The following SRGAP2 variants were observed in gnomAD, a reference collection of about 807,000 sequenced individuals.
SRGAP2 encodes the protein SLIT-ROBO Rho GTPase activating protein 2.
SRGAP2 carries 15 observed loss-of-function variants against 57.2 expected under a neutral mutation model. The ratio of observed to expected loss-of-function variants is 0.26; its 90% CI spans 0.18 to 0.40. SRGAP2 has a LOEUF of 0.40. SRGAP2 is among the 10% of genes least tolerant of loss of function. The pLI is 1.00. For synonymous variants in SRGAP2, 249 were observed against 248.0 expected (o/e 1.00, Z -0.04); for missense variants, 520 against 669.6 (o/e 0.78, Z 2.47).
chr1:206,362,841 C>A (rs1280717888), intron 4 of SRGAP2, among the ~76,000 whole-genome samples: 8 of 152,022 alleles, frequency 5.3e-5, no homozygotes, highest in Non-Finnish European at 1.2e-4. Context: ...TTCTGACTCT[C>A]TGGGGCAGAT....
intron 3 of SRGAP2, among the ~76,000 whole-genome samples, chr1:206,339,874 C>G: frequency 6.6e-6 from 1 of 151,366 alleles, no homozygotes; most frequent in Non-Finnish European, 1.5e-5. Context: ...ACTGCAACCT[C>G]TGCCTCCAGG....
chr1:206,414,029 C>CTT (rs201058533), intron 10 of SRGAP2, among the ~76,000 whole-genome samples: 1,807 of 144,990 alleles, frequency 0.012, 29 homozygotes, highest in Middle Eastern at 0.022. Flanking sequence ...TTTTCTTTTT[C>CTT]TTTCTTTTTT....
intron 4 of SRGAP2, among the ~76,000 whole-genome samples, chr1:206,346,060 T>C (rs542388959): frequency 6.6e-6 from 1 of 152,358 alleles, no homozygotes; most frequent in South Asian, 2.1e-4. Context: ...AGAGTGTCGT[T>C]GCACATGAAT....
chr1:206,253,573 C>CTTTTTTTTT (rs71264673), intron 2 of SRGAP2, among the ~76,000 whole-genome samples: 82 of 101,680 alleles, frequency 8.1e-4, no homozygotes, highest in Non-Finnish European at 1.1e-3. Context: ...TTCTTTCTTT[C>CTTTTTTTTT]TTTTTTTTTT....
intron 22 of SRGAP2, among the ~76,000 whole-genome samples, chr1:206,460,596 A>C (rs1203011417): frequency 1.3e-5 from 2 of 152,140 alleles, no homozygotes; most frequent in Non-Finnish European, 2.9e-5. Context: ...ATCATACATC[A>C]TCTCTACCAC....
At chr1:206,437,801 C>A in intron 15 of SRGAP2, 163 bp from the exon 16 acceptor site, 1 of 621,074 alleles carries the variant, frequency 1.6e-6, no homozygotes, top group Non-Finnish European at 2.9e-6. Context: ...GCAGTCTTTG[C>A]TTTATCTGTT....
At chr1:206,303,926 TCACACA>T (rs1672034491) in intron 3 of SRGAP2, among the ~76,000 whole-genome samples, 1 of 149,246 alleles carries the variant, frequency 6.7e-6, no homozygotes, top group Non-Finnish European at 1.5e-5. Flanking sequence ...ACACTCACAC[TCACACA>T]CCCCTAGTAA....
At chr1:206,455,711 C>T (rs1425111324) in intron 21 of SRGAP2, 5 of 152,656 alleles carry the variant, frequency 3.3e-5, no homozygotes, top group African/African-American at 7.2e-5. Context: ...TATTATTCTA[C>T]CCCCTTAGTC....
chr1:206,432,934 C>T (rs891091306), intron 14 of SRGAP2, among the ~76,000 whole-genome samples: 6 of 152,082 alleles, frequency 3.9e-5, no homozygotes, highest in Non-Finnish European at 7.4e-5. Flanking sequence ...TCTTTGTTGC[C>T]GCCAAGCATT....
At chr1:206,370,548 A>G (rs2103019920) in intron 4 of SRGAP2, among the ~76,000 whole-genome samples, 1 of 152,302 alleles carries the variant, frequency 6.6e-6, no homozygotes, top group African/African-American at 2.4e-5. Flanking sequence ...CAGAGTATGC[A>G]AATCTATAGA....
At chr1:206,439,016 GA>G (rs1553370998) in intron 16 of SRGAP2, among the ~76,000 whole-genome samples, 1 of 152,206 alleles carries the variant, frequency 6.6e-6, no homozygotes, top group African/African-American at 2.4e-5. Flanking sequence ...GGGTGATTAA[GA>G]ATGTGATTCC....
At position 206,454,675 on chromosome 1, in the gene SRGAP2, A is replaced by G; in HGVS notation, c.2361-203A>G. On this transcript the variant is annotated intron_variant, in intron 20 of 22. Coordinates refer to ENST00000573034, the MANE Select transcript of SRGAP2 (RefSeq NM_015326.5). This position sits in a 1 kb window ranked among gnomAD's most constrained non-coding sequence, Gnocchi z 4.3. ...AGGAGCCCGCAGAACTCAGCGGATT[A>G]TTTATTTTTATTTAAACGACCCTTC... The G allele has an allele frequency of 1.8e-6, 1 of 553,148 alleles. No individual in the cohort carries two copies. The highest frequency in any genetic ancestry group is 2.4e-5 in the South Asian group (1 of 42,116). The allele number at this position is 553,148 out of a possible 1,614,324, so 34.3% of individuals were successfully genotyped here.
At chr1:206,357,421 T>G (rs1553339557) in intron 4 of SRGAP2, among the ~76,000 whole-genome samples, 8 of 151,608 alleles carry the variant, frequency 5.3e-5, no homozygotes, top group Non-Finnish European at 1.2e-4. Flanking sequence ...ACATTATATA[T>G]TAAGCTTAGT....
At chr1:206,327,753 T>C (rs1262357868) in intron 3 of SRGAP2, among the ~76,000 whole-genome samples, 1 of 114,900 alleles carries the variant, frequency 8.7e-6, no homozygotes, top group East Asian at 2.6e-4. Context: ...AACCAACTGG[T>C]AAACTGCTGA....
chr1:206,440,125 G>A (rs1662143345), intron 17 of SRGAP2, 44 bp downstream of exon 17: 1 of 772,356 alleles, frequency 1.3e-6, no homozygotes, highest in Non-Finnish European at 2.4e-6. Flanking sequence ...GCTTTGGCTT[G>A]GGCACTGGAA....
At chr1:206,265,893 G>A (rs1553314377) in intron 2 of SRGAP2, among the ~76,000 whole-genome samples, 2 of 148,464 alleles carry the variant, frequency 1.3e-5, no homozygotes, top group Non-Finnish European at 1.5e-5. Flanking sequence ...AGGGGATAAA[G>A]CTCTGGACAT....
At chr1:206,245,413 G>A (rs1553309995) in intron 2 of SRGAP2, among the ~76,000 whole-genome samples, 2 of 152,060 alleles carry the variant, frequency 1.3e-5, no homozygotes, top group Non-Finnish European at 1.5e-5. Context: ...GATGATTTGA[G>A]TGATGCGAAA....
chr1:206,462,294 G>A lies in SRGAP2; in HGVS notation c.*874G>A, dbSNP rs1187600074. ...AGACATTTCTCGGGTTCCTACCTTTGTCTCTGATGGACCATTTTCCATTTA... is the reference window on the plus strand; with the variant it reads ...AGACATTTCTCGGGTTCCTACCTTTATCTCTGATGGACCATTTTCCATTTA... On this transcript the variant is annotated 3_prime_UTR_variant, in exon 23 of 23. Transcript: ENST00000573034. The A allele has an allele frequency of 6.6e-6, 1 of 152,530 alleles. No individual in the cohort carries two copies. The highest frequency in any genetic ancestry group is 1.5e-5 in the Non-Finnish European group (1 of 68,030). The allele number at this position is 152,530 out of a possible 1,614,324, so 9.4% of individuals were successfully genotyped here.
chr1:206,254,646 A>G (rs1346648190), intron 2 of SRGAP2, among the ~76,000 whole-genome samples: 1 of 151,046 alleles, frequency 6.6e-6, no homozygotes, highest in Non-Finnish European at 1.5e-5. Context: ...AAGATGTTCC[A>G]GGATCTATAT....
Sources: allele counts gnomAD v4.1 joint callset (sites outside exome capture counted in the v4.1 genomes callset), GRCh38; gene constraint gnomAD v4.1.1; non-coding constraint Gnocchi (gnomAD v3.1); transcripts MANE v1.5; gene names NCBI Gene and HGNC (gene_info 2026-07-23, HGNC 2026-07-21).